The following SERPINE2 variants were observed in gnomAD, a reference collection of about 807,000 sequenced individuals.
The protein encoded by SERPINE2 is serpin family E member 2.
Under a neutral mutation model 36.3 loss-of-function variants are expected in SERPINE2, and 14 were observed. That is an observed-to-expected ratio of 0.39 (90% CI 0.25 to 0.60). SERPINE2 has a LOEUF of 0.60. Among genes scored for constraint, SERPINE2 ranks in the 20% least tolerant of loss-of-function variants. The pLI is 0.57. For missense variants in SERPINE2, 418 were observed against 499.6 expected (o/e 0.84, Z 1.56); for synonymous variants, 192 against 191.8 (o/e 1.00, Z -0.01).
chr2:223,995,280 A>C (rs983210570), intron 3 of SERPINE2, among the ~76,000 whole-genome samples: 1 of 152,142 alleles, frequency 6.6e-6, no homozygotes, highest in Non-Finnish European at 1.5e-5. Context: ...CGTGAGACAG[A>C]CCCAGCAACC....
intron 6 of SERPINE2, chr2:223,981,671 T>A (rs1238235814): frequency 1.3e-5 from 2 of 152,234 alleles, no homozygotes; most frequent in Non-Finnish European, 2.9e-5. Flanking sequence ...CAAATAATGT[T>A]CAAGCCATGG....
At chr2:224,024,178 T>C (rs190281983) in intron 1 of SERPINE2, among the ~76,000 whole-genome samples, 39 of 152,344 alleles carry the variant, frequency 2.6e-4, no homozygotes, top group African/African-American at 9.1e-4. Flanking sequence ...ACTTCCACTT[T>C]AAGAAAGGTT....
intron 1 of SERPINE2, among the ~76,000 whole-genome samples, chr2:224,016,475 C>T (rs1376455573): frequency 6.7e-6 from 1 of 148,446 alleles, no homozygotes; most frequent in East Asian, 2.0e-4. Flanking sequence ...TATTGCACTC[C>T]AGCCTGGGCG....
At chr2:224,014,410 G>T (rs1392394384) in intron 1 of SERPINE2, among the ~76,000 whole-genome samples, 1 of 152,116 alleles carries the variant, frequency 6.6e-6, no homozygotes. Flanking sequence ...AAATTCCAGG[G>T]AGAACCACTA....
intron 1 of SERPINE2, chr2:224,038,643 G>A (rs1361877812): frequency 5.1e-6 from 4 of 779,240 alleles, no homozygotes; most frequent in East Asian, 5.3e-5. Context: ...GAGGTAACAA[G>A]TAAGAGTGCG....
intron 1 of SERPINE2, among the ~76,000 whole-genome samples, chr2:224,013,546 G>C (rs78750434): frequency 6.6e-6 from 1 of 152,318 alleles, no homozygotes; most frequent in Non-Finnish European, 1.5e-5. Flanking sequence ...AATTGGTTTA[G>C]AAAGCTCCCA....
chr2:224,027,812 CT>C (rs1692234591), intron 1 of SERPINE2, among the ~76,000 whole-genome samples: 1 of 152,194 alleles, frequency 6.6e-6, no homozygotes, highest in South Asian at 2.1e-4. Flanking sequence ...TTCTGTGCCC[CT>C]CTAAGCACCT....
chr2:223,989,745 G>A (rs1443607711), intron 4 of SERPINE2, among the ~76,000 whole-genome samples: 1 of 152,164 alleles, frequency 6.6e-6, no homozygotes, highest in Non-Finnish European at 1.5e-5. Flanking sequence ...TAAGCTGTTC[G>A]CCGTGTTTAC....
chr2:224,017,250 G>A (rs1372949057), intron 1 of SERPINE2, among the ~76,000 whole-genome samples: 2 of 121,768 alleles, frequency 1.6e-5, no homozygotes, highest in African/African-American at 3.1e-5. Flanking sequence ...GTACACGAGA[G>A]CTCTCTGAAT....
intron 7 of SERPINE2, chr2:223,978,745 T>C (rs1304931350): frequency 6.6e-6 from 1 of 152,220 alleles, no homozygotes; most frequent in Non-Finnish European, 1.5e-5. Flanking sequence ...GCAAGCCCTT[T>C]TACCCAGGGT....
intron 1 of SERPINE2, among the ~76,000 whole-genome samples, chr2:224,020,594 C>A (rs557979005): frequency 6.6e-6 from 1 of 152,318 alleles, no homozygotes; most frequent in South Asian, 2.1e-4. Flanking sequence ...CCTAGTTTTA[C>A]CTGCCACATT....
intron 1 of SERPINE2, among the ~76,000 whole-genome samples, chr2:224,024,048 A>C (rs1692102141): frequency 6.6e-6 from 1 of 152,252 alleles, no homozygotes; most frequent in Admixed American, 6.5e-5. Flanking sequence ...GAAAAATGAT[A>C]TGAGCCATTT....
intron 2 of SERPINE2, among the ~76,000 whole-genome samples, chr2:223,999,924 G>C (rs1691044954): frequency 6.6e-6 from 1 of 152,234 alleles, no homozygotes; most frequent in Non-Finnish European, 1.5e-5. Context: ...GGGCAGAAGA[G>C]TGTGTTCCAA....
At chr2:224,002,159 T>C (rs1056121433) in intron 1 of SERPINE2, among the ~76,000 whole-genome samples, 4 of 152,106 alleles carry the variant, frequency 2.6e-5, no homozygotes, top group Admixed American at 2.6e-4. Context: ...GTATTTTTAG[T>C]AGAGATGGGA....
intron 1 of SERPINE2, among the ~76,000 whole-genome samples, chr2:224,003,402 T>A (rs984274997): frequency 3.3e-5 from 5 of 152,190 alleles, no homozygotes; most frequent in African/African-American, 1.2e-4. Context: ...GTTGCTCTGA[T>A]TATCTTATAA....
intron 1 of SERPINE2, among the ~76,000 whole-genome samples, chr2:224,006,654 C>A (rs1306858331): frequency 6.6e-6 from 1 of 152,196 alleles, no homozygotes; most frequent in Non-Finnish European, 1.5e-5. Context: ...AGGGCCTTAC[C>A]ATTCATTGGT....
chr2:224,015,572 G>A (rs1691773773), intron 1 of SERPINE2, among the ~76,000 whole-genome samples: 1 of 152,158 alleles, frequency 6.6e-6, no homozygotes, highest in East Asian at 1.9e-4. Context: ...GCAACTCTGT[G>A]TCCATGACTC....
At position 223,984,924 on chromosome 2, in the gene SERPINE2, A is replaced by G. The variant is rs749520872; in HGVS notation, c.712T>C (p.Trp238Arg). Residue 238 changes from tryptophan to arginine, a missense_variant, in exon 5 of 9, where the codon TGG becomes CGG. Transcript: ENST00000409304. ...TAGGGCAGTTCAATGAAGTTGTACC[A>G]TAAATCATTGGGGGCACTTGTCGAC... The part of the protein sequence containing the change: ...CGSTSAPNDL[W>R]YNFIELPYHG... 1 of 1,614,194 alleles carries G rather than the reference A, an allele frequency of 6.2e-7. No homozygotes were observed. The highest frequency in any genetic ancestry group is 1.7e-5 in the Admixed American group (1 of 60,030).
chr2:223,991,773 T>C (rs777198519), intron 4 of SERPINE2, 30 bp downstream of exon 4: 10 of 1,611,194 alleles, frequency 6.2e-6, no homozygotes, highest in Non-Finnish European at 7.6e-6. Context: ...CAGCACATCC[T>C]AGAACAGGCT....
Sources: gnomAD v4.1 joint callset for allele counts (sites outside exome capture counted in the v4.1 genomes callset) on GRCh38, gnomAD v4.1.1 for gene constraint, MANE v1.5 for transcripts, NCBI Gene and HGNC (gene_info 2026-07-23, HGNC 2026-07-21) for gene names.